The following NRXN1 variants were observed in gnomAD, a reference collection of about 807,000 sequenced individuals.
The protein encoded by NRXN1 is neurexin 1.
In NRXN1, 39 loss-of-function variants were observed where a neutral mutation model predicts 150.9. That is an observed-to-expected ratio of 0.26 (90% CI 0.20 to 0.34). The LOEUF (loss-of-function observed/expected upper bound fraction) is 0.34, where lower values mean the gene tolerates loss of function less well. NRXN1 is among the 10% of genes least tolerant of loss of function. NRXN1 has a pLI of 1.00. For missense variants in NRXN1, 1,815 were observed against 1,949.9 expected, an observed-to-expected ratio of 0.93 and a Z score of 1.30; for synonymous variants, 924 against 757.0, an observed-to-expected ratio of 1.22 and a Z score of -3.62.
At chr2:50,153,468 C>A (rs1327168407) in intron 18 of NRXN1, among the ~76,000 whole-genome samples, 1 of 151,342 alleles carries the variant, frequency 6.6e-6, no homozygotes, top group Non-Finnish European at 1.5e-5. Flanking sequence ...ACCTCCCTTC[C>A]TAAGGATTGC....
At chr2:50,623,221 G>T in intron 6 of NRXN1, 93 bp downstream of exon 6, 1 of 962,824 alleles carries the variant, frequency 1.0e-6, no homozygotes. Flanking sequence ...ACTCTGAGGA[G>T]CCCTGTATCA....
chr2:50,706,900 A>T (rs903008657), intron 5 of NRXN1, among the ~76,000 whole-genome samples: 1 of 152,058 alleles, frequency 6.6e-6, no homozygotes, highest in Non-Finnish European at 1.5e-5. Flanking sequence ...GTTTAACATA[A>T]AGCCTTCTAG....
At chr2:50,728,013 T>G (rs542009221) in intron 5 of NRXN1, among the ~76,000 whole-genome samples, 1 of 152,164 alleles carries the variant, frequency 6.6e-6, no homozygotes, top group Admixed American at 6.5e-5. Context: ...ATACTTATTA[T>G]GGAAACAGAA....
At chr2:50,262,915 A>T (rs548327198) in intron 17 of NRXN1, among the ~76,000 whole-genome samples, 17 of 152,132 alleles carry the variant, frequency 1.1e-4, no homozygotes, top group African/African-American at 4.1e-4. Flanking sequence ...CAAAGAATTT[A>T]AAGTCCTTCA....
chr2:50,725,534 T>C (rs1313207930), intron 5 of NRXN1, among the ~76,000 whole-genome samples: 1 of 152,176 alleles, frequency 6.6e-6, no homozygotes, highest in Non-Finnish European at 1.5e-5. Flanking sequence ...ACAAATCCTT[T>C]CCTTAAAATC....
intron 5 of NRXN1, among the ~76,000 whole-genome samples, chr2:50,807,646 G>A (rs542009427): frequency 1.3e-5 from 2 of 152,154 alleles, no homozygotes; most frequent in South Asian, 2.1e-4. Flanking sequence ...GCTCTTCAAG[G>A]TTCTGAACTC....
At chr2:50,915,338 T>C (rs1167742042) in intron 5 of NRXN1, among the ~76,000 whole-genome samples, 2 of 151,486 alleles carry the variant, frequency 1.3e-5, no homozygotes, top group South Asian at 2.1e-4. Flanking sequence ...ACAAAAAAAG[T>C]TTCATCTCAT....
At chr2:50,621,311 T>C in intron 6 of NRXN1, 62 bp from the exon 7 acceptor site, 1 of 1,278,874 alleles carries the variant, frequency 7.8e-7, no homozygotes, top group Non-Finnish European at 1.1e-6. Flanking sequence ...GATCGTTACT[T>C]AAAAAATATG....
intron 5 of NRXN1, among the ~76,000 whole-genome samples, chr2:50,724,638 T>G (rs980956947): frequency 1.3e-5 from 2 of 152,144 alleles, no homozygotes; most frequent in Non-Finnish European, 2.9e-5. Flanking sequence ...ATTTTTAACT[T>G]GGCTGGGAGA....
intron 18 of NRXN1, among the ~76,000 whole-genome samples, chr2:50,174,100 C>A (rs889961580): frequency 1.3e-5 from 2 of 152,082 alleles, no homozygotes; most frequent in African/African-American, 4.8e-5. Flanking sequence ...TCTAAATTGG[C>A]CTTCTGATTA....
chr2:50,268,969 G>T (rs1408054654), intron 17 of NRXN1, among the ~76,000 whole-genome samples: 1 of 152,132 alleles, frequency 6.6e-6, no homozygotes, highest in Non-Finnish European at 1.5e-5. Flanking sequence ...GTAATGCCAA[G>T]CAGACTATGC....
rs994466469 is a variant in NRXN1, at chr2:50,588,519, A to G, written c.1320+31503T>C. On this transcript the variant is annotated intron_variant, in intron 8 of 22. Coordinates refer to ENST00000401669, the MANE Select transcript of NRXN1 (RefSeq NM_001330078.2). ...ATGTCTGACTCCTCCGACTTCATCC[A>G]TTACTGAAAAATTTGTAATGGTAAA... is the stretch of plus-strand genomic sequence containing the variant. Among the ~76,000 whole-genome samples, 5 of 152,296 alleles carry G rather than the reference A, an allele frequency of 3.3e-5. 1 individual carries two copies. In the South Asian group the frequency reaches 8.3e-4, roughly 25 times the overall value.
intron 5 of NRXN1, among the ~76,000 whole-genome samples, chr2:50,831,952 A>G (rs1383886281): frequency 6.6e-6 from 1 of 152,206 alleles, no homozygotes; most frequent in Admixed American, 6.5e-5. Flanking sequence ...GCGGGCAAGC[A>G]AAAAAGAGCA....
chr2:50,113,764 C>A (rs1357978360), intron 18 of NRXN1, among the ~76,000 whole-genome samples: 1 of 152,172 alleles, frequency 6.6e-6, no homozygotes, highest in Non-Finnish European at 1.5e-5. Flanking sequence ...GAAGGAGGAT[C>A]ACATCACTTA....
chr2:50,449,810 C>A (rs1318662308), intron 17 of NRXN1, among the ~76,000 whole-genome samples: 1 of 152,114 alleles, frequency 6.6e-6, no homozygotes, highest in African/African-American at 2.4e-5. Context: ...TCAATAGCTA[C>A]CAATTATATA....
chr2:49,984,654 C>T (rs773578216), intron 21 of NRXN1, among the ~76,000 whole-genome samples: 3 of 151,078 alleles, frequency 2.0e-5, no homozygotes, highest in Non-Finnish European at 2.9e-5. Context: ...CATCTTACAG[C>T]CTAACTAGGT....
intron 5 of NRXN1, among the ~76,000 whole-genome samples, chr2:50,864,358 T>C (rs1418647868): frequency 1.3e-5 from 2 of 152,032 alleles, no homozygotes; most frequent in Non-Finnish European, 2.9e-5. Context: ...TCCCTGAATT[T>C]ATAGGAATGT....
At chr2:50,586,567 TAAAA>T (rs145046699) in intron 8 of NRXN1, among the ~76,000 whole-genome samples, 1 of 148,260 alleles carries the variant, frequency 6.7e-6, no homozygotes, top group East Asian at 2.0e-4. Context: ...TTCAATATAT[TAAAA>T]AAAAAAGTAG....
At chr2:50,832,693 A>C (rs897890534) in intron 5 of NRXN1, among the ~76,000 whole-genome samples, 1 of 152,212 alleles carries the variant, frequency 6.6e-6, no homozygotes, top group African/African-American at 2.4e-5. Context: ...AAAAGACATA[A>C]CGAATAGCCA....
Sources: allele counts gnomAD v4.1 joint callset (sites outside exome capture counted in the v4.1 genomes callset), GRCh38; gene constraint gnomAD v4.1.1; transcripts MANE v1.5; gene names NCBI Gene and HGNC (gene_info 2026-07-23, HGNC 2026-07-21).